SOCS7: variants seen among roughly 807,000 people sequenced by gnomAD.
The protein encoded by SOCS7 is suppressor of cytokine signaling 7.
SOCS7 carries 18 observed loss-of-function variants against 58.9 expected under a neutral mutation model. That is an observed-to-expected ratio of 0.31 (90% confidence interval 0.21 to 0.45). SOCS7 has a LOEUF of 0.45. Ranked by LOEUF, SOCS7 falls within the 20% of genes least tolerant of loss-of-function variation. The pLI is 1.00. For missense variants in SOCS7, 667 were observed against 837.3 expected, an observed-to-expected ratio of 0.80 and a Z score of 2.51; for synonymous variants, 388 against 364.3, an observed-to-expected ratio of 1.06 and a Z score of -0.74.
rs749606877 is a variant in SOCS7, at chr17:38,366,287, A to G, written c.1253A>G (p.Asp418Gly). Residue 418 changes from aspartate to glycine, a missense_variant and splice_region_variant, in exon 5 of 10, where the codon GAT (aspartate) becomes GGT (glycine). Around this residue, in one of 9 missense-constraint regions of SOCS7, gnomAD observed 99 missense variants for 122.9 expected, o/e 0.81. Coordinates refer to ENST00000612932, the MANE Select transcript of SOCS7 (RefSeq NM_014598.4). ...LPPPPPPHAP[D>G]AFPRIAPIRA... Reference sequence around the variant, plus strand: ...TGACCACCACTGTCTTGCCCTGCAGATGCATTTCCCCGGATTGCTCCCATC... The same window carrying G: ...TGACCACCACTGTCTTGCCCTGCAGGTGCATTTCCCCGGATTGCTCCCATC... 1.9e-6 allele frequency: 3 copies of G among 1,613,928 alleles called. No homozygotes were observed. The highest frequency in any genetic ancestry group is 4.5e-5 in the East Asian group (2 of 44,864).
Position 38,403,213 on chromosome 17 carries a change from A to C in SOCS7, c.*3731A>C, listed in dbSNP as rs1044861565. The C allele has an allele frequency of 2.0e-5, 3 of 152,038 alleles. No homozygotes were observed. The highest frequency in any genetic ancestry group is 4.4e-5 in the Non-Finnish European group (3 of 68,022). The allele number at this position is 152,038 out of a possible 1,614,324, so 9.4% of individuals were successfully genotyped here. On this transcript the variant is annotated 3_prime_UTR_variant, in exon 10 of 10. Transcript: ENST00000612932. ...TGCTCCTTCCCCTTCCCTACATTTCACTTGGGCTAATGATGTAAGCCCCCC... is the reference window on the plus strand; with the variant it reads ...TGCTCCTTCCCCTTCCCTACATTTCCCTTGGGCTAATGATGTAAGCCCCCC...
At chr17:38,382,437 C>CAAAA (rs1190332565) in intron 7 of SOCS7, among the ~76,000 whole-genome samples, 5 of 68,572 alleles carry the variant, frequency 7.3e-5, no homozygotes, top group Non-Finnish European at 1.2e-4. Flanking sequence ...GACCCTATCT[C>CAAAA]AAAAAAAAAA....
intron 1 of SOCS7, among the ~76,000 whole-genome samples, chr17:38,359,487 C>G (rs764735523): frequency 6.6e-6 from 1 of 152,166 alleles, no homozygotes; most frequent in Non-Finnish European, 1.5e-5. Flanking sequence ...GAGGTGAATT[C>G]TGAGAAGCTC....
At chr17:38,389,899 A>ATATATGTGTG (rs2038143219) in intron 7 of SOCS7, among the ~76,000 whole-genome samples, 2 of 10,188 alleles carry the variant, frequency 2.0e-4, no homozygotes, top group Admixed American at 1.1e-3. Context: ...ATATATATAT[A>ATATATGTGTG]CACATATAGA....
intron 7 of SOCS7, among the ~76,000 whole-genome samples, chr17:38,389,853 G>GTA (rs2038127564): frequency 2.6e-3 from 5 of 1,938 alleles, no homozygotes; most frequent in Non-Finnish European, 6.8e-3. Context: ...TTTTTGTTTG[G>GTA]TGTGTATGTG....
chr17:38,400,142 C>T lies in SOCS7; in HGVS notation c.*660C>T, dbSNP rs2144414286. The stretch of plus-strand genomic sequence containing the variant: ...CTGGGAGAAGTAGTGACTCCTGCAT[C>T]CTTTTTTAAGGTTTAGGAACCTGAG... On this transcript the variant is annotated 3_prime_UTR_variant, in exon 10 of 10. Coordinates refer to ENST00000612932, the MANE Select transcript of SOCS7 (RefSeq NM_014598.4). 1 of 152,258 alleles carries T rather than the reference C, an allele frequency of 6.6e-6. No individual in the cohort carries two copies. Among genetic ancestry groups the T allele is most frequent in the Admixed American group, 6.5e-5 (1 of 15,278 alleles). The allele number at this position is 152,258 out of a possible 1,614,324, so 9.4% of individuals were successfully genotyped here.
chr17:38,353,600 T>G (rs970475157), intron 1 of SOCS7, among the ~76,000 whole-genome samples: 1 of 152,144 alleles, frequency 6.6e-6, no homozygotes, highest in African/African-American at 2.4e-5. Flanking sequence ...CTGACCACTG[T>G]CTCTGAGAAT....
chr17:38,371,933 A>C (rs1033868780), intron 6 of SOCS7, among the ~76,000 whole-genome samples: 1 of 151,776 alleles, frequency 6.6e-6, no homozygotes, highest in South Asian at 2.1e-4. Context: ...TTTTAAAGTT[A>C]AAGAAGGAAA....
intron 7 of SOCS7, among the ~76,000 whole-genome samples, chr17:38,387,183 C>T (rs1414598879): frequency 7.6e-6 from 1 of 132,332 alleles, no homozygotes; most frequent in African/African-American, 3.1e-5. Flanking sequence ...GTGACTCACG[C>T]CTGTAATCCC....
rs71368482 is a variant in SOCS7, at chr17:38,387,102, A to AATAT, written c.1682-8184_1682-8181dup. Among the ~76,000 whole-genome samples, 99 of 51,120 alleles carry AATAT rather than the reference A, an allele frequency of 1.9e-3. 3 individuals carry two copies. The highest frequency in any genetic ancestry group is 3.4e-3 in the African/African-American group (26 of 7,760). The allele number at this position is 51,120 out of a possible 152,430, so 33.5% of individuals were successfully genotyped here. A position where few individuals can be genotyped will look rare whatever the true frequency, so the allele number is the denominator to read the frequency against. ...TATCTTAAAAAAAAAAAAAAAAAAA[A>AATAT]ATATATATATATATATATATATATA... is the stretch of plus-strand genomic sequence containing the variant. On this transcript the variant is annotated intron_variant, in intron 7 of 9. Transcript: ENST00000612932.
At chr17:38,384,297 C>CTTTTG (rs773454963) in intron 7 of SOCS7, among the ~76,000 whole-genome samples, 10 of 152,004 alleles carry the variant, frequency 6.6e-5, no homozygotes, top group East Asian at 5.8e-4. Flanking sequence ...TTTAAATATA[C>CTTTTG]TTTTGTTTTG....
intron 6 of SOCS7, among the ~76,000 whole-genome samples, chr17:38,368,616 C>T (rs1409529686): frequency 2.6e-5 from 4 of 152,064 alleles, no homozygotes; most frequent in Non-Finnish European, 5.9e-5. Flanking sequence ...ATTCTTCTGC[C>T]TCAGCCTCCT....
At chr17:38,392,310 C>G (rs2038182248) in intron 7 of SOCS7, among the ~76,000 whole-genome samples, 3 of 152,190 alleles carry the variant, frequency 2.0e-5, no homozygotes, top group African/African-American at 4.8e-5. Flanking sequence ...GGCAAACAAT[C>G]AGATAATTGT....
In SOCS7 at chr17:38,365,315, C is replaced by A; in HGVS notation, c.1158C>A (p.Ile386=). The A allele has an allele frequency of 1.2e-6, 2 of 1,610,802 alleles. No homozygotes were observed. Among genetic ancestry groups the A allele is most frequent in the South Asian group, 1.1e-5 (1 of 90,626 alleles). The part of the protein sequence containing the change: ...PRRSLSLLDD[I]SGTLPTSVLV... The stretch of plus-strand genomic sequence containing the variant: ...TTTTGTTCTCTCTTCTAGATGATAT[C>A]AGTGGGACGCTGCCTACATCTGTCC... The change falls in exon 4 of 10, where the codon ATC becomes ATA. Residue 386 remains isoleucine (I), a synonymous_variant. Coordinates refer to ENST00000612932, the MANE Select transcript of SOCS7 (RefSeq NM_014598.4).
In SOCS7 at chr17:38,402,231, T is replaced by TGTG. The variant is rs1248359132; in HGVS notation, c.*2751_*2753dup. ...GCAAGAGGAGACAGTCTTCGTCAGGTGTGGGTGTTTGGTGCCTGCATGGGT... is the reference window on the plus strand; with the variant it reads ...GCAAGAGGAGACAGTCTTCGTCAGGTGTGGTGGGTGTTTGGTGCCTGCATGGGT... On this transcript the variant is annotated 3_prime_UTR_variant, in exon 10 of 10. Coordinates refer to ENST00000612932, the MANE Select transcript of SOCS7 (RefSeq NM_014598.4). The TGTG allele has an allele frequency of 6.6e-6, 1 of 152,232 alleles. No individual in the cohort carries two copies. The highest frequency in any genetic ancestry group is 1.5e-5 in the Non-Finnish European group (1 of 68,196). 9.4% of individuals were successfully genotyped at this position (152,232 alleles called of 1,614,324 possible). A position where few individuals can be genotyped will look rare whatever the true frequency, so the allele number is the denominator to read the frequency against.
Position 38,353,004 on chromosome 17 carries a change from T to A in SOCS7, c.952T>A (p.Ser318Thr). 1 of 1,597,044 alleles carries A rather than the reference T, an allele frequency of 6.3e-7. No individual in the cohort carries two copies. Among genetic ancestry groups the A allele is most frequent in the Non-Finnish European group, 8.5e-7 (1 of 1,172,348 alleles). Residue 318 changes from serine (S) to threonine (T), a missense_variant, in exon 1 of 10, where the codon TCT (serine) becomes ACT (threonine). Coordinates refer to ENST00000612932, the MANE Select transcript of SOCS7 (RefSeq NM_014598.4). ...SAASLTDMGG[S>T]AGRELDAGRK... is the part of the protein sequence containing the mutation. ...TGCGAGCCTGACAGACATGGGAGGCTCTGCGGGCCGGGAGCTGGACGCGGG... is the reference window on the plus strand; with the variant it reads ...TGCGAGCCTGACAGACATGGGAGGCACTGCGGGCCGGGAGCTGGACGCGGG...
chr17:38,394,920 T>G (rs1327757879), intron 7 of SOCS7, among the ~76,000 whole-genome samples: 1 of 152,090 alleles, frequency 6.6e-6, no homozygotes, highest in Non-Finnish European at 1.5e-5. Flanking sequence ...TACGATGGCA[T>G]GCATCTGTGG....
chr17:38,353,578 C>G (rs1024640075), intron 1 of SOCS7, among the ~76,000 whole-genome samples: 3 of 152,160 alleles, frequency 2.0e-5, no homozygotes, highest in Non-Finnish European at 4.4e-5. Flanking sequence ...CTTGGCATAT[C>G]AAACTTGGGT....
chr17:38,399,029 A>G (rs920445402), intron 9 of SOCS7, among the ~76,000 whole-genome samples: 18 of 151,008 alleles, frequency 1.2e-4, no homozygotes, highest in African/African-American at 4.1e-4. Flanking sequence ...TGGAGATTGC[A>G]GTGAGCCAAG....
Sources: allele counts gnomAD v4.1 joint callset (sites outside exome capture counted in the v4.1 genomes callset), GRCh38; gene constraint gnomAD v4.1.1; regional missense constraint gnomAD v4.1.1; transcripts MANE v1.5; gene names NCBI Gene and HGNC (gene_info 2026-07-23, HGNC 2026-07-21).